Variants in LRBA observed in about 807,000 individuals in gnomAD.
LRBA encodes LPS responsive beige-like anchor protein, also known as lipopolysaccharide-responsive and beige-like anchor protein.
LRBA carries 176 observed loss-of-function variants against 330.0 expected under a neutral mutation model. The ratio of observed to expected loss-of-function variants is 0.53; its 90% CI spans 0.47 to 0.60. The LOEUF is 0.60. Ranked by LOEUF, LRBA falls within the 20% of genes least tolerant of loss-of-function variation. LRBA has a pLI of 0.00. For missense variants in LRBA, 3,259 were observed against 3,444.8 expected (o/e 0.95, Z 1.35); for synonymous variants, 1,230 against 1,193.0 (o/e 1.03, Z -0.64).
intron 40 of LRBA, among the ~76,000 whole-genome samples, chr4:150,531,533 C>A (rs574606969): frequency 2.2e-4 from 34 of 152,120 alleles, no homozygotes; most frequent in Non-Finnish European, 4.6e-4. Context: ...CCCCACTAGA[C>A]TATAAGCTCA....
chr4:150,355,200 C>T (rs1737676183), intron 47 of LRBA, among the ~76,000 whole-genome samples: 1 of 152,008 alleles, frequency 6.6e-6, no homozygotes, highest in African/African-American at 2.4e-5. Flanking sequence ...TTAATCTACA[C>T]ATGCATTAGT....
At chr4:150,748,190 T>C (rs369047876) in intron 35 of LRBA, among the ~76,000 whole-genome samples, 1 of 152,172 alleles carries the variant, frequency 6.6e-6, no homozygotes, top group Non-Finnish European at 1.5e-5. Flanking sequence ...TATATGTTTA[T>C]TTCTCTCCAT....
intron 9 of LRBA, among the ~76,000 whole-genome samples, chr4:150,912,839 T>G (rs1382739880): frequency 6.6e-6 from 1 of 152,208 alleles, no homozygotes; most frequent in Non-Finnish European, 1.5e-5. Flanking sequence ...TCAGTCATTA[T>G]CACCATAATC....
rs758452075 is a variant in LRBA, at chr4:150,599,100, A to G, written c.5953T>C (p.Trp1985Arg). The G allele has an allele frequency of 1.2e-6, 2 of 1,614,094 alleles. No homozygotes were observed. The highest frequency in any genetic ancestry group is 1.1e-5 in the South Asian group (1 of 91,078). The change falls in exon 38 of 57, where the codon TGG becomes CGG. Residue 1985 changes from tryptophan to arginine, a missense_variant. Trp to Arg is a moderately radical substitution (Grantham distance 101). Transcript: ENST00000651943. ...CGCCGGCGCCGCAAGTCATCTTCCC[A>G]GTAGTCAAGGCGCCAGAACTCAAGA... Reference protein sequence around the residue: ...RPLEFWRLDYWEDDLRRRRRF... With the variant: ...RPLEFWRLDYREDDLRRRRRF...
At chr4:150,381,943 C>A (rs1742329711) in intron 47 of LRBA, among the ~76,000 whole-genome samples, 1 of 152,186 alleles carries the variant, frequency 6.6e-6, no homozygotes, top group Non-Finnish European at 1.5e-5. Context: ...GCCTTTTGGC[C>A]ATTCAGATAT....
At chr4:150,965,812 G>C (rs1192560396) in intron 2 of LRBA, among the ~76,000 whole-genome samples, 1 of 151,832 alleles carries the variant, frequency 6.6e-6, no homozygotes, top group East Asian at 1.9e-4. Flanking sequence ...GCAAAGTGTT[G>C]ATGTTACAGG....
chr4:150,786,903 G>A (rs149565186), intron 34 of LRBA, among the ~76,000 whole-genome samples: 165 of 152,210 alleles, frequency 1.1e-3, no homozygotes, highest in East Asian at 1.9e-3. Flanking sequence ...TGGAAATACC[G>A]AATAAATGAA....
intron 44 of LRBA, among the ~76,000 whole-genome samples, chr4:150,453,811 C>A (rs1294195587): frequency 6.6e-6 from 1 of 152,172 alleles, no homozygotes; most frequent in Non-Finnish European, 1.5e-5. Context: ...AAGACACCAG[C>A]AAGTGTTATA....
chr4:150,865,269 C>T (rs1229444643), intron 22 of LRBA, among the ~76,000 whole-genome samples: 1 of 152,152 alleles, frequency 6.6e-6, no homozygotes, highest in Non-Finnish European at 1.5e-5. Context: ...TCAGCACAAA[C>T]TAAAGTTACA....
intron 37 of LRBA, among the ~76,000 whole-genome samples, chr4:150,600,310 CT>C (rs1773982294): frequency 1.3e-5 from 2 of 152,228 alleles, no homozygotes; most frequent in Admixed American, 1.3e-4. Context: ...AAAATTGTAT[CT>C]GTCAGCTTTG....
intron 40 of LRBA, among the ~76,000 whole-genome samples, chr4:150,501,551 G>A (rs567222200): frequency 2.1e-4 from 32 of 152,066 alleles, no homozygotes; most frequent in African/African-American, 6.5e-4. Flanking sequence ...TGCAGAAGGT[G>A]TAGTGAGCCA....
At chr4:150,764,811 T>C (rs1438503863) in intron 34 of LRBA, among the ~76,000 whole-genome samples, 5 of 152,068 alleles carry the variant, frequency 3.3e-5, no homozygotes, top group African/African-American at 4.8e-5. Flanking sequence ...ATCTCAGTCA[T>C]TGCTGGTGGG....
intron 28 of LRBA, among the ~76,000 whole-genome samples, chr4:150,835,690 G>C (rs1358220373): frequency 2.6e-5 from 4 of 152,130 alleles, no homozygotes; most frequent in African/African-American, 9.7e-5. Flanking sequence ...ATCAGCTTAA[G>C]GAGATTTTGG....
At chr4:150,808,085 TC>T (rs1228809319) in intron 32 of LRBA, among the ~76,000 whole-genome samples, 5 of 152,284 alleles carry the variant, frequency 3.3e-5, no homozygotes, top group Admixed American at 2.0e-4. Context: ...TAGTCACTTC[TC>T]ATGAAGTGAC....
chr4:150,905,326 T>C (rs1731209517), intron 13 of LRBA, among the ~76,000 whole-genome samples: 1 of 151,798 alleles, frequency 6.6e-6, no homozygotes, highest in Non-Finnish European at 1.5e-5. Context: ...TGAAACTCAG[T>C]AGTTCATCAT....
chr4:150,844,327 C>T (rs577668823), intron 27 of LRBA, 120 bp from the exon 28 acceptor site: 2 of 565,970 alleles, frequency 3.5e-6, no homozygotes, highest in East Asian at 3.1e-5. Flanking sequence ...GCATTCCTTT[C>T]CCCACTTTTT....
chr4:150,447,100 A>G (rs1721564622), intron 44 of LRBA, among the ~76,000 whole-genome samples: 1 of 152,232 alleles, frequency 6.6e-6, no homozygotes, highest in Admixed American at 6.5e-5. Context: ...GACAAAAAGA[A>G]ATAAAACATA....
chr4:150,271,313 GTTT>G (rs34560876), intron 56 of LRBA, among the ~76,000 whole-genome samples: 1 of 144,238 alleles, frequency 6.9e-6, no homozygotes, highest in East Asian at 2.0e-4. Flanking sequence ...AGCTGCAGGA[GTTT>G]TTTTTTTTTT....
chr4:150,330,786 GCAAC>G (rs76846925), intron 48 of LRBA, among the ~76,000 whole-genome samples: 26,363 of 151,930 alleles, frequency 0.17, 2,732 homozygotes, highest in East Asian at 0.26. Context: ...CCATATATGT[GCAAC>G]AGGTGGAACA....
Sources: allele counts gnomAD v4.1 joint callset (sites outside exome capture counted in the v4.1 genomes callset), GRCh38; gene constraint gnomAD v4.1.1; transcripts MANE v1.5; gene names NCBI Gene and HGNC (gene_info 2026-07-23, HGNC 2026-07-21).